Variants in PRH1 observed in about 807,000 individuals in gnomAD.
The protein encoded by PRH1 is salivary acidic proline-rich phosphoprotein 1/2.
In PRH1, 7 loss-of-function variants were observed where a neutral mutation model predicts 7.9. The ratio of observed to expected loss-of-function variants is 0.89; its 90% CI spans 0.50 to 1.67. PRH1 has a LOEUF of 1.67. Among genes scored for constraint, PRH1 ranks in the 40% most tolerant of loss-of-function variants. The pLI, the probability that PRH1 is intolerant of heterozygous loss-of-function variation, is 0.00. For missense variants in PRH1, 109 were observed against 223.6 expected (o/e 0.49, Z 3.27); for synonymous variants, 45 against 80.8 (o/e 0.56, Z 2.38).
At chr12:10,969,472 A>G (rs1300756348) in intron 2 of PRH1, among the ~76,000 whole-genome samples, 1 of 152,152 alleles carries the variant, frequency 6.6e-6, no homozygotes, top group Non-Finnish European at 1.5e-5. Flanking sequence ...TCTGTCTAGA[A>G]TTTCCCAGCC....
chr12:10,993,577 T>G (rs1053174279), intron 1 of PRH1, among the ~76,000 whole-genome samples: 6 of 152,124 alleles, frequency 3.9e-5, no homozygotes, highest in Admixed American at 1.3e-4. Flanking sequence ...AGCATGTTGC[T>G]CTCTATACAT....
rs568801474 is a variant in PRH1 at position 11,153,229 on chromosome 12, TTA to T, written n.39+18191_39+18192del. On this transcript the variant is annotated intron_variant and non_coding_transcript_variant, in intron 1 of 1. Transcript: ENST00000541175. Reference sequence around the variant, plus strand: ...GCTAGAAAACTTGGAGAAAGAAAAATTATGAACTTAAGGCTTTGAATTACTAG... The same window carrying T: ...GCTAGAAAACTTGGAGAAAGAAAAATTGAACTTAAGGCTTTGAATTACTAG... 8.5e-5 allele frequency among the ~76,000 whole-genome samples: 13 copies of T among 152,204 alleles called. No homozygotes were observed. In the South Asian group the frequency reaches 2.5e-3, roughly 29 times the overall value.
At chr12:11,134,627 T>A (rs1477286832) in intron 1 of PRH1, 1 of 197,356 alleles carries the variant, frequency 5.1e-6, no homozygotes, top group East Asian at 1.3e-4. Context: ...AACCTCTCCA[T>A]CATTTGTCTT....
intron 2 of PRH1, among the ~76,000 whole-genome samples, chr12:10,924,834 A>C (rs1002001854): frequency 2.0e-5 from 3 of 152,002 alleles, no homozygotes; most frequent in Non-Finnish European, 4.4e-5. Flanking sequence ...ATTTCTGTGG[A>C]ATCAGTGGTG....
At chr12:10,899,711 T>C (rs941025396) in intron 2 of PRH1, among the ~76,000 whole-genome samples, 1 of 152,172 alleles carries the variant, frequency 6.6e-6, no homozygotes, top group African/African-American at 2.4e-5. Flanking sequence ...TGCGGAACCA[T>C]GAACTAAATA....
chr12:11,086,399 AT>A (rs1463925301), intron 1 of PRH1, among the ~76,000 whole-genome samples: 7 of 38,902 alleles, frequency 1.8e-4, no homozygotes, highest in African/African-American at 3.4e-4. Flanking sequence ...ATTTTTCCCT[AT>A]TTAATTTATT....
At chr12:10,986,886 A>C in intron 1 of PRH1, 1 of 1,436,642 alleles carries the variant, frequency 7.0e-7, no homozygotes, top group Non-Finnish European at 9.3e-7. Flanking sequence ...AAGAAAGAAA[A>C]TGCAAGCCTA....
chr12:10,927,556 C>A (rs1950140352), intron 2 of PRH1, among the ~76,000 whole-genome samples: 1 of 152,210 alleles, frequency 6.6e-6, no homozygotes, highest in Admixed American at 6.5e-5. Context: ...GGGAAAATAT[C>A]AGTCTGCCTG....
chr12:10,951,999 A>T (rs1208524364), intron 2 of PRH1, among the ~76,000 whole-genome samples: 1 of 152,202 alleles, frequency 6.6e-6, no homozygotes, highest in Non-Finnish European at 1.5e-5. Context: ...AATCTATTTT[A>T]CAACAGCCTT....
intron 1 of PRH1, among the ~76,000 whole-genome samples, chr12:11,135,380 C>T (rs1319428417): frequency 6.6e-6 from 1 of 152,162 alleles, no homozygotes; most frequent in Non-Finnish European, 1.5e-5. Flanking sequence ...GTACACTGTT[C>T]CCAGAAGGAG....
intron 1 of PRH1, chr12:11,062,386 C>A: frequency 2.2e-6 from 3 of 1,368,736 alleles, no homozygotes; most frequent in Non-Finnish European, 2.9e-6. Context: ...TCTATATGCA[C>A]CTGATTTGTG....
chr12:11,169,331 T>TC (rs1191464845), intron 1 of PRH1, among the ~76,000 whole-genome samples: 2 of 152,146 alleles, frequency 1.3e-5, no homozygotes, highest in Admixed American at 1.3e-4. Context: ...AAATTATTGC[T>TC]CCTATCCCAC....
intron 2 of PRH1, among the ~76,000 whole-genome samples, chr12:10,926,911 T>G (rs981700572): frequency 9.2e-5 from 14 of 152,186 alleles, no homozygotes; most frequent in Middle Eastern, 3.4e-3. Flanking sequence ...TAGAAGGGAA[T>G]TGTGTTGTTG....
At chr12:11,000,743 C>G (rs533820012) in intron 1 of PRH1, among the ~76,000 whole-genome samples, 4 of 152,198 alleles carry the variant, frequency 2.6e-5, no homozygotes, top group African/African-American at 7.2e-5. Context: ...GCTTGGCATT[C>G]TTTGTCTTGT....
chr12:11,141,008 C>CTT (rs34887058), intron 1 of PRH1, among the ~76,000 whole-genome samples: 68,995 of 151,796 alleles, frequency 0.45, 16,454 homozygotes, highest in Non-Finnish European at 0.52. Flanking sequence ...CTAAGTAATA[C>CTT]TTGTATAACT....
intron 1 of PRH1, among the ~76,000 whole-genome samples, chr12:11,033,293 G>A (rs61253965): frequency 0.038 from 5,854 of 152,144 alleles, 223 homozygotes; most frequent in East Asian, 0.18. Context: ...CATGAACCCG[G>A]GAGGCGGAGG....
chr12:10,923,080 G>A (rs1315596505), intron 2 of PRH1, among the ~76,000 whole-genome samples: 2 of 149,102 alleles, frequency 1.3e-5, no homozygotes, highest in African/African-American at 2.5e-5. Flanking sequence ...CACCCGCCTC[G>A]GCCTCCCAAA....
Position 11,113,953 on chromosome 12 carries a change from A to G in PRH1, n.123+57469T>C, listed in dbSNP as rs563587345. Among the ~76,000 whole-genome samples, 4 of 152,344 alleles carry G rather than the reference A, an allele frequency of 2.6e-5. No homozygotes were observed. The East Asian group carries it at 5.8e-4, about 22-fold the overall frequency. On this transcript the variant is annotated intron_variant and non_coding_transcript_variant, in intron 1 of 4. Coordinates refer to the PRH1 transcript ENST00000541977. The stretch of plus-strand genomic sequence containing the variant: ...TTAGAGAAATGCAAATCAAAACCAC[A>G]ATGAGATACCATCTCATGACAGAAT...
chr12:10,897,476 CA>C (rs1310810248), intron 2 of PRH1, among the ~76,000 whole-genome samples: 1 of 152,178 alleles, frequency 6.6e-6, no homozygotes, highest in African/African-American at 2.4e-5. Flanking sequence ...ATGTCTTGAA[CA>C]AAACCCTAAC....
Sources: allele counts gnomAD v4.1 joint callset (sites outside exome capture counted in the v4.1 genomes callset), GRCh38; gene constraint gnomAD v4.1.1; transcripts MANE v1.5; gene names NCBI Gene and HGNC (gene_info 2026-07-23, HGNC 2026-07-21).